The following S100Z variants were observed in gnomAD, a reference collection of about 807,000 sequenced individuals.
S100Z encodes the protein protein S100-Z.
A neutral mutation model predicts 8.5 loss-of-function variants in S100Z; 11 were observed. The observed-to-expected ratio is 1.30, with a 90% CI of 0.82 to 2.15. The LOEUF is 2.15. Among genes scored for constraint, S100Z ranks in the 30% most tolerant of loss-of-function variants. The pLI is 0.00. For missense variants in S100Z, 126 were observed against 117.9 expected (o/e 1.07, Z -0.32); for synonymous variants, 34 against 43.8 (o/e 0.78, Z 0.89).
intron 4 of S100Z, among the ~76,000 whole-genome samples, chr5:76,880,992 T>C (rs576528622): frequency 1.3e-5 from 2 of 152,164 alleles, no homozygotes; most frequent in African/African-American, 2.4e-5. Context: ...GAGACTGATA[T>C]AGTGTGGTGG....
At chr5:76,859,768 C>CAAAAAAAAAAAAAAAAAAAAAAAAAAAAA (rs70982653) in intron 1 of S100Z, among the ~76,000 whole-genome samples, 5 of 97,648 alleles carry the variant, frequency 5.1e-5, no homozygotes, top group Non-Finnish European at 6.0e-5. Context: ...GCAACAGAGC[C>CAAAAAAAAAAAAAAAAAAAAAAAAAAAAA]AAAAAAAAAA....
Position 76,852,537 on chromosome 5 carries a change from C to T in S100Z, c.-176+2382C>T, listed in dbSNP as rs1268906305. Among the ~76,000 whole-genome samples the T allele has an allele frequency of 2.0e-5, 3 of 151,994 alleles. No homozygotes were observed. In the East Asian group the frequency reaches 5.8e-4, roughly 29 times the overall value. The stretch of plus-strand genomic sequence containing the variant: ...ATAGCCTGGCCAACATGGTGAAAAC[C>T]CATCTCTACTAAAATACAAAAAAAT... On this transcript the variant is annotated intron_variant, in intron 1 of 4. Coordinates refer to ENST00000317593, the MANE Select transcript of S100Z (RefSeq NM_130772.4).
the S100Z span, among the ~76,000 whole-genome samples, chr5:76,941,525 G>C: frequency 2.6e-5 from 4 of 152,170 alleles, no homozygotes; most frequent in Non-Finnish European, 2.9e-5. Flanking sequence ...GTAAAACTGT[G>C]AGTCCATTAA....
Position 76,921,552 on chromosome 5 carries a change from C to G in S100Z, c.*838C>G, listed in dbSNP as rs1157059383. 6.6e-6 allele frequency: 1 copy of G among 152,182 alleles called. No individual in the cohort carries two copies. The highest frequency in any genetic ancestry group is 2.4e-5 in the African/African-American group (1 of 41,456). 9.4% of individuals were successfully genotyped at this position (152,182 alleles called of 1,614,324 possible). ...TAATTTTCTGATAATAAAAGTAAGA[C>G]ATGGCATTATGACACTGGATATTCA... On this transcript the variant is annotated 3_prime_UTR_variant, in exon 5 of 5. Coordinates refer to ENST00000317593, the MANE Select transcript of S100Z (RefSeq NM_130772.4).
the S100Z span, among the ~76,000 whole-genome samples, chr5:76,933,154 G>A: frequency 1.3e-5 from 2 of 152,224 alleles, no homozygotes; most frequent in African/African-American, 4.8e-5. Flanking sequence ...GAGAGAAAGA[G>A]GAAGGGGTGT....
chr5:76,920,888 G>A lies in S100Z; in HGVS notation c.*174G>A, dbSNP rs1032703863. On this transcript the variant is annotated 3_prime_UTR_variant, in exon 5 of 5. Coordinates refer to ENST00000317593, the MANE Select transcript of S100Z (RefSeq NM_130772.4). The stretch of plus-strand genomic sequence containing the variant: ...AGCCCTTCCCATGCTCATAAATTAG[G>A]TAAGGAGCAGTGAGGAAGTGTCTAC... 5 of 152,158 alleles carry A rather than the reference G, an allele frequency of 3.3e-5. No individual in the cohort carries two copies. The highest frequency in any genetic ancestry group is 7.3e-5 in the Non-Finnish European group (5 of 68,028). 9.4% of individuals were successfully genotyped at this position (152,158 alleles called of 1,614,324 possible). A position where few individuals can be genotyped will look rare whatever the true frequency, so the allele number is the denominator to read the frequency against.
At chr5:76,875,525 G>C (rs75951164) in intron 3 of S100Z, 25 bp downstream of exon 3, 1 of 1,584,738 alleles carries the variant, frequency 6.3e-7, no homozygotes, top group East Asian at 2.2e-5. Flanking sequence ...TGTAAATGCT[G>C]TATTCATTTG....
chr5:76,909,812 T>C (rs1744585872), intron 4 of S100Z, among the ~76,000 whole-genome samples: 1 of 152,192 alleles, frequency 6.6e-6, no homozygotes, highest in African/African-American at 2.4e-5. Flanking sequence ...GGTACATAGA[T>C]GTCCTACAGG....
chr5:76,943,782 A>G, the S100Z span, among the ~76,000 whole-genome samples: 2 of 147,400 alleles, frequency 1.4e-5, no homozygotes, highest in Non-Finnish European at 3.0e-5. Context: ...GAATGACCCC[A>G]TGCTCCCAGC....
intron 4 of S100Z, among the ~76,000 whole-genome samples, chr5:76,899,124 A>T (rs1313297239): frequency 6.6e-6 from 1 of 151,690 alleles, no homozygotes; most frequent in Non-Finnish European, 1.5e-5. Context: ...TTGTATTTTT[A>T]GAAGAGACAG....
intron 4 of S100Z, among the ~76,000 whole-genome samples, chr5:76,914,969 C>T (rs1315031334): frequency 6.6e-6 from 1 of 152,160 alleles, no homozygotes; most frequent in African/African-American, 2.4e-5. Context: ...TGGCTTTGTT[C>T]TTGAAGTCAG....
At chr5:76,864,596 G>T (rs1160852043) in intron 1 of S100Z, among the ~76,000 whole-genome samples, 1 of 151,778 alleles carries the variant, frequency 6.6e-6, no homozygotes, top group East Asian at 1.9e-4. Context: ...TAGAGACAGG[G>T]TTTTGCCATG....
chr5:76,939,449 G>T, the S100Z span, among the ~76,000 whole-genome samples: 1 of 151,742 alleles, frequency 6.6e-6, no homozygotes, highest in South Asian at 2.1e-4. Flanking sequence ...ACTGCGCCTG[G>T]CCTGGGGCTG....
chr5:76,951,684 T>A, the S100Z span, among the ~76,000 whole-genome samples: 4 of 152,218 alleles, frequency 2.6e-5, no homozygotes, highest in African/African-American at 7.2e-5. Flanking sequence ...GGTTTCTTTA[T>A]AACCTTTTCA....
At chr5:76,924,464 T>G (rs1485786267), downstream of S100Z, among the ~76,000 whole-genome samples, 1 of 152,148 alleles carries the variant, frequency 6.6e-6, no homozygotes, top group South Asian at 2.1e-4. Flanking sequence ...CTAACAAGAT[T>G]CTCCCTGTGA....
chr5:76,923,703 A>G (rs1745086052), downstream of S100Z, among the ~76,000 whole-genome samples: 1 of 152,226 alleles, frequency 6.6e-6, no homozygotes, highest in Admixed American at 6.5e-5. Flanking sequence ...TAGCTCCATC[A>G]TGGGCAAACC....
intron 1 of S100Z, among the ~76,000 whole-genome samples, chr5:76,863,605 C>T (rs1016354496): frequency 1.3e-5 from 2 of 152,130 alleles, no homozygotes; most frequent in Admixed American, 6.6e-5. Flanking sequence ...GTGGCGCGAT[C>T]TCGGCTCACT....
chr5:76,873,219 T>C (rs1342363914), intron 2 of S100Z, among the ~76,000 whole-genome samples: 1 of 151,996 alleles, frequency 6.6e-6, no homozygotes, highest in Non-Finnish European at 1.5e-5. Flanking sequence ...ATTACTAGGG[T>C]AGGGAATGGT....
the S100Z span, among the ~76,000 whole-genome samples, chr5:76,941,803 C>G: frequency 1.1e-4 from 17 of 152,114 alleles, no homozygotes; most frequent in Non-Finnish European, 1.5e-4. Flanking sequence ...TGCTCCCCCC[C>G]CTTGATGGCA....
Sources: gnomAD v4.1 joint callset for allele counts (sites outside exome capture counted in the v4.1 genomes callset) on GRCh38, gnomAD v4.1.1 for gene constraint, MANE v1.5 for transcripts, NCBI Gene and HGNC (gene_info 2026-07-23, HGNC 2026-07-21) for gene names.